Variants in RASEF observed in about 807,000 individuals in gnomAD.
The protein encoded by RASEF is RAS and EF-hand domain containing.
A neutral mutation model predicts 90.1 loss-of-function variants in RASEF; 68 were observed. The observed-to-expected ratio is 0.75, with a 90% CI of 0.62 to 0.92. The LOEUF (loss-of-function observed/expected upper bound fraction) is 0.92. RASEF is among the 40% of genes least tolerant of loss of function. The probability of loss-of-function intolerance (pLI) is 0.00; values close to 1 mark genes in which losing one functional copy is unlikely to be tolerated. For missense variants in RASEF, 949 were observed against 937.2 expected, an observed-to-expected ratio of 1.01 and a Z score of -0.16; for synonymous variants, 331 against 345.2, an observed-to-expected ratio of 0.96 and a Z score of 0.46.
chr9:83,208,514 T>C, the RASEF span, among the ~76,000 whole-genome samples: 1 of 152,214 alleles, frequency 6.6e-6, no homozygotes, highest in Non-Finnish European at 1.5e-5. Flanking sequence ...GTCTGAGTTG[T>C]GGCTGAACCC....
Position 83,014,163 on chromosome 9 carries a change from G to A in RASEF, c.765+1642C>T, listed in dbSNP as rs572352205. Among the ~76,000 whole-genome samples, 4 of 152,292 alleles carry A rather than the reference G, an allele frequency of 2.6e-5. No homozygotes were observed. The East Asian group carries it at 7.7e-4, about 29-fold the overall frequency. On this transcript the variant is annotated intron_variant, in intron 4 of 16. Coordinates refer to ENST00000376447, the MANE Select transcript of RASEF (RefSeq NM_152573.4). Reference sequence around the variant, plus strand: ...CAATTCTGTAATGTAAGCATAGTATGCATGGCCTAATAACTTTTGAAAATT... The same window carrying A: ...CAATTCTGTAATGTAAGCATAGTATACATGGCCTAATAACTTTTGAAAATT...
chr9:83,009,324 G>T (rs1829196770), intron 6 of RASEF, among the ~76,000 whole-genome samples: 1 of 151,912 alleles, frequency 6.6e-6, no homozygotes, highest in Non-Finnish European at 1.5e-5. Flanking sequence ...ATGTTTTATG[G>T]CCAGGATTCC....
the RASEF span, among the ~76,000 whole-genome samples, chr9:83,077,825 C>G: frequency 6.6e-6 from 1 of 152,108 alleles, no homozygotes; most frequent in Non-Finnish European, 1.5e-5. Flanking sequence ...CTAGAAGAGC[C>G]TGAATTAACA....
At chr9:83,010,800 T>G (rs1829226059) in intron 5 of RASEF, among the ~76,000 whole-genome samples, 1 of 152,162 alleles carries the variant, frequency 6.6e-6, no homozygotes, top group Admixed American at 6.5e-5. Flanking sequence ...CAGAGCTCCT[T>G]GGAAGACACT....
chr9:83,037,169 A>T (rs1385121083), intron 1 of RASEF, among the ~76,000 whole-genome samples: 1 of 152,196 alleles, frequency 6.6e-6, no homozygotes, highest in African/African-American at 2.4e-5. Context: ...TTCCAAATTA[A>T]TTCTGCACAA....
the RASEF span, among the ~76,000 whole-genome samples, chr9:83,128,390 A>T: frequency 1.3e-5 from 2 of 150,166 alleles, no homozygotes; most frequent in Non-Finnish European, 3.0e-5. Context: ...CACCTATTTC[A>T]TATATATCTA....
At chr9:83,132,420 A>G in the RASEF span, among the ~76,000 whole-genome samples, 1 of 152,112 alleles carries the variant, frequency 6.6e-6, no homozygotes, top group Non-Finnish European at 1.5e-5. Flanking sequence ...TCCTAACTAC[A>G]ATGCTTGAAA....
the RASEF span, among the ~76,000 whole-genome samples, chr9:83,104,248 AGCTTTTT>A: frequency 6.6e-6 from 1 of 152,178 alleles, no homozygotes; most frequent in Non-Finnish European, 1.5e-5. Context: ...TAAAATGACC[AGCTTTTT>A]GCTTGAGAAA....
At position 83,022,370 on chromosome 9, in the gene RASEF, C is replaced by A; in HGVS notation, c.635G>T (p.Arg212Met). The A allele has an allele frequency of 1.9e-6, 3 of 1,614,132 alleles. No homozygotes were observed. ...TGTCTTATGTTCTGCAGCCTGAATCCTCTGATCCATTTCCTCTTCCAACTC... is the reference window on the plus strand; with the variant it reads ...TGTCTTATGTTCTGCAGCCTGAATCATCTGATCCATTTCCTCTTCCAACTC... ...LSELEEEMDQ[R>M]IQAAEHKTRK... The change falls in exon 3 of 17, where the codon AGG becomes ATG. Residue 212 changes from arginine to methionine, a missense_variant. Coordinates refer to ENST00000376447, the MANE Select transcript of RASEF (RefSeq NM_152573.4).
chr9:83,002,211 C>A (rs1829052938), intron 9 of RASEF, among the ~76,000 whole-genome samples: 1 of 152,122 alleles, frequency 6.6e-6, no homozygotes, highest in African/African-American at 2.4e-5. Context: ...ATATGAGAAA[C>A]AAGAAGTGGA....
the RASEF span, among the ~76,000 whole-genome samples, chr9:83,155,271 G>T: frequency 6.6e-6 from 1 of 151,982 alleles, no homozygotes; most frequent in East Asian, 1.9e-4. Flanking sequence ...TCTGTGTTTG[G>T]GTGTATTAGT....
chr9:83,057,844 T>A (rs1268385061), intron 1 of RASEF, among the ~76,000 whole-genome samples: 1 of 78,170 alleles, frequency 1.3e-5, no homozygotes, highest in Non-Finnish European at 2.5e-5. Context: ...TATTCATATA[T>A]ACATATATAT....
the RASEF span, among the ~76,000 whole-genome samples, chr9:83,123,226 C>T: frequency 4.8e-5 from 6 of 124,448 alleles, no homozygotes; most frequent in Admixed American, 1.0e-4. Flanking sequence ...GGCTACAGAG[C>T]GAGACTCCAT....
chr9:83,011,736 A>G (rs555787126), intron 5 of RASEF, among the ~76,000 whole-genome samples: 2 of 152,092 alleles, frequency 1.3e-5, no homozygotes, highest in East Asian at 3.9e-4. Flanking sequence ...AGAAAATCCA[A>G]GAAAAACAAA....
chr9:83,060,999 G>A (rs1830192587), intron 1 of RASEF, among the ~76,000 whole-genome samples: 1 of 152,152 alleles, frequency 6.6e-6, no homozygotes, highest in African/African-American at 2.4e-5. Flanking sequence ...AGACAACTGT[G>A]AAAAACAGAT....
At chr9:83,175,805 C>A in the RASEF span, among the ~76,000 whole-genome samples, 1 of 152,102 alleles carries the variant, frequency 6.6e-6, no homozygotes, top group Non-Finnish European at 1.5e-5. Context: ...TGGTCTTGAT[C>A]TCCTGACCTT....
chr9:83,108,377 G>T, the RASEF span, among the ~76,000 whole-genome samples: 1 of 152,258 alleles, frequency 6.6e-6, no homozygotes, highest in African/African-American at 2.4e-5. Flanking sequence ...CCCTGTTTTT[G>T]TAAATAAAGT....
chr9:83,145,301 C>G, the RASEF span, among the ~76,000 whole-genome samples: 1 of 152,122 alleles, frequency 6.6e-6, no homozygotes, highest in Non-Finnish European at 1.5e-5. Flanking sequence ...ATTTCCAAGT[C>G]AGATTTGAGC....
At chr9:83,015,762 G>C in intron 4 of RASEF, 43 bp downstream of exon 4, 1 of 1,382,194 alleles carries the variant, frequency 7.2e-7, no homozygotes, top group East Asian at 2.3e-5. Flanking sequence ...GATACCCTGA[G>C]ATGCTGAGGC....
Sources: gnomAD v4.1 joint callset for allele counts (sites outside exome capture counted in the v4.1 genomes callset) on GRCh38, gnomAD v4.1.1 for gene constraint, MANE v1.5 for transcripts, NCBI Gene and HGNC (gene_info 2026-07-23, HGNC 2026-07-21) for gene names.